ASTN2: variants seen among roughly 807,000 people sequenced by gnomAD.
ASTN2 encodes the protein astrotactin-2.
A neutral mutation model predicts 139.8 loss-of-function variants in ASTN2; 54 were observed. The observed-to-expected ratio is 0.39, with a 90% CI of 0.31 to 0.48. ASTN2 has a LOEUF of 0.48. Ranked by LOEUF, ASTN2 falls within the 20% of genes least tolerant of loss-of-function variation. The pLI, the probability that ASTN2 is intolerant of heterozygous loss-of-function variation, is 0.95. For missense variants in ASTN2, 1,565 were observed against 1,725.1 expected (o/e 0.91, Z 1.64); for synonymous variants, 756 against 719.5 (o/e 1.05, Z -0.81).
intron 2 of ASTN2, among the ~76,000 whole-genome samples, chr9:117,215,959 A>G (rs1832306200): frequency 6.6e-6 from 1 of 152,138 alleles, no homozygotes; most frequent in Non-Finnish European, 1.5e-5. Context: ...GTAATATCTG[A>G]GCCTTACTTT....
Position 117,291,519 on chromosome 9 carries a change from A to C in ASTN2, c.443-6T>G. 1 of 1,590,068 alleles carries C rather than the reference A, an allele frequency of 6.3e-7. No homozygotes were observed. Among genetic ancestry groups the C allele is most frequent in the Non-Finnish European group, 8.6e-7 (1 of 1,166,650 alleles). On this transcript the variant is annotated splice_region_variant and splice_polypyrimidine_tract_variant and intron_variant, in intron 1 of 22. Transcript: ENST00000313400. The stretch of plus-strand genomic sequence containing the variant: ...CGCTGCTGTGCCAGACATCTCTGCA[A>C]GACAAGACCCGAGGCACTGGGTGAG...
At chr9:116,631,732 A>G (rs1032745950) in intron 17 of ASTN2, among the ~76,000 whole-genome samples, 1 of 152,222 alleles carries the variant, frequency 6.6e-6, no homozygotes. Context: ...AATGTTCCCA[A>G]TGTAAAAAAG....
intron 13 of ASTN2, among the ~76,000 whole-genome samples, chr9:116,763,214 G>C (rs1045079798): frequency 6.6e-6 from 1 of 152,140 alleles, no homozygotes; most frequent in Admixed American, 6.5e-5. Context: ...TTAGCATGTC[G>C]TTTGGCATGC....
chr9:117,075,455 C>T lies in ASTN2; in HGVS notation c.1276+20589G>A, dbSNP rs538390327. Among the ~76,000 whole-genome samples, 4 of 150,112 alleles carry T rather than the reference C, an allele frequency of 2.7e-5. No individual in the cohort carries two copies. In the South Asian group the frequency reaches 8.7e-4, roughly 33 times the overall value. On this transcript the variant is annotated intron_variant, in intron 5 of 22. Coordinates refer to ENST00000313400, the MANE Select transcript of ASTN2 (RefSeq NM_001365068.1). The stretch of plus-strand genomic sequence containing the variant: ...GCTCATGAATCCTGAACCAAGGACC[C>T]ATCGACTAGAGTCTGGCAGTGGTGG...
At chr9:116,936,743 C>G (rs922006539) in intron 10 of ASTN2, among the ~76,000 whole-genome samples, 1 of 152,200 alleles carries the variant, frequency 6.6e-6, no homozygotes, top group Non-Finnish European at 1.5e-5. Flanking sequence ...AAGGGTGAAT[C>G]TGGTGGCTTC....
chr9:117,167,132 T>C (rs887118338), intron 3 of ASTN2, among the ~76,000 whole-genome samples: 3 of 152,098 alleles, frequency 2.0e-5, no homozygotes, highest in Non-Finnish European at 4.4e-5. Context: ...ATACCATCAA[T>C]GGGATCTGAA....
chr9:117,046,582 A>G (rs1052209560), intron 5 of ASTN2, among the ~76,000 whole-genome samples: 1 of 152,116 alleles, frequency 6.6e-6, no homozygotes, highest in African/African-American at 2.4e-5. Flanking sequence ...CTTGGCACCT[A>G]CATGGGCATC....
At chr9:117,314,104 C>G (rs1323827898) in intron 1 of ASTN2, among the ~76,000 whole-genome samples, 1 of 152,154 alleles carries the variant, frequency 6.6e-6, no homozygotes, top group East Asian at 1.9e-4. Context: ...CCCAAAGACA[C>G]CTTGCTGAAA....
intron 7 of ASTN2, among the ~76,000 whole-genome samples, chr9:116,989,214 TG>T (rs1169678281): frequency 6.6e-6 from 1 of 152,188 alleles, no homozygotes; most frequent in East Asian, 1.9e-4. Context: ...AAAATACTAA[TG>T]ATTTTCCAGA....
chr9:117,321,904 G>A (rs1449827684), intron 1 of ASTN2, among the ~76,000 whole-genome samples: 1 of 152,122 alleles, frequency 6.6e-6, no homozygotes, highest in African/African-American at 2.4e-5. Context: ...ATGGTCAAAT[G>A]TCCTTTAGGA....
intron 20 of ASTN2, among the ~76,000 whole-genome samples, chr9:116,447,798 T>C (rs1195314080): frequency 6.6e-6 from 1 of 152,230 alleles, no homozygotes; most frequent in African/African-American, 2.4e-5. Flanking sequence ...CAATCGCTGT[T>C]GGCATCATCA....
At chr9:116,641,464 C>T (rs1372335) in intron 17 of ASTN2, among the ~76,000 whole-genome samples, 43,518 of 151,830 alleles carry the variant, frequency 0.29, 7,237 homozygotes, top group Admixed American at 0.42. Context: ...ATAATAATAG[C>T]ACCCACCATG....
chr9:117,380,253 C>T (rs118142830), intron 1 of ASTN2, among the ~76,000 whole-genome samples: 3,100 of 152,156 alleles, frequency 0.02, 38 homozygotes, highest in Middle Eastern at 0.051. Flanking sequence ...TAAAAACAAA[C>T]GTATAACTCA....
At chr9:116,498,079 C>T (rs10817899) in intron 19 of ASTN2, among the ~76,000 whole-genome samples, 6 of 151,972 alleles carry the variant, frequency 3.9e-5, no homozygotes, top group African/African-American at 1.5e-4. Context: ...TAGTATCTGG[C>T]AGGGTTGAAG....
chr9:117,192,485 G>A (rs1308885745), intron 3 of ASTN2, among the ~76,000 whole-genome samples: 1 of 152,048 alleles, frequency 6.6e-6, no homozygotes, highest in African/African-American at 2.4e-5. Context: ...TGTTTTCTAA[G>A]AAGTCCTAAG....
At chr9:116,875,353 G>A (rs1319708324) in intron 10 of ASTN2, among the ~76,000 whole-genome samples, 1 of 152,168 alleles carries the variant, frequency 6.6e-6, no homozygotes, top group African/African-American at 2.4e-5. Flanking sequence ...CCCAAACTAG[G>A]ACAAGGTCCT....
intron 17 of ASTN2, among the ~76,000 whole-genome samples, chr9:116,636,614 G>A (rs1857086492): frequency 6.6e-6 from 1 of 152,064 alleles, no homozygotes; most frequent in African/African-American, 2.4e-5. Flanking sequence ...CCCGGGAGGT[G>A]GAGGTTGCAG....
intron 2 of ASTN2, among the ~76,000 whole-genome samples, chr9:117,226,594 T>G (rs6478295): frequency 0.98 from 148,159 of 151,668 alleles, 72,390 homozygotes; most frequent in Middle Eastern, 1. Context: ...ATAAAGCGGG[T>G]TTGTTTGTTT....
intron 1 of ASTN2, among the ~76,000 whole-genome samples, chr9:117,315,771 C>T (rs1180577243): frequency 6.6e-6 from 1 of 152,156 alleles, no homozygotes; most frequent in Non-Finnish European, 1.5e-5. Context: ...TCATGTTTGC[C>T]TGAAGGTCTT....
Sources: allele counts gnomAD v4.1 joint callset (sites outside exome capture counted in the v4.1 genomes callset), GRCh38; gene constraint gnomAD v4.1.1; transcripts MANE v1.5; gene names NCBI Gene and HGNC (gene_info 2026-07-23, HGNC 2026-07-21).